The following GFOD1 variants were observed in gnomAD, a reference collection of about 807,000 sequenced individuals.
GFOD1 encodes the protein Gfo/Idh/MocA-like oxidoreductase domain containing 1.
A neutral mutation model predicts 25.4 loss-of-function variants in GFOD1; 9 were observed. The observed-to-expected ratio is 0.35, with a 90% CI of 0.21 to 0.62. The LOEUF is 0.62. GFOD1 is among the 20% of genes least tolerant of loss of function. The pLI is 0.72. For missense variants in GFOD1, 403 were observed against 556.9 expected (o/e 0.72, Z 2.78); for synonymous variants, 253 against 245.6 (o/e 1.03, Z -0.28).
chr6:13,478,163 T>G (rs1244944458), intron 1 of GFOD1, among the ~76,000 whole-genome samples: 1 of 151,762 alleles, frequency 6.6e-6, no homozygotes, highest in Non-Finnish European at 1.5e-5. Context: ...TGAGACAGAG[T>G]TTTTTTCATT....
chr6:13,426,681 C>T (rs1277054723), intron 1 of GFOD1, among the ~76,000 whole-genome samples: 3 of 152,138 alleles, frequency 2.0e-5, no homozygotes, highest in Non-Finnish European at 2.9e-5. Flanking sequence ...CCTGAGGATG[C>T]GGAAGCAGAG....
At chr6:13,389,428 C>T (rs527541728) in intron 1 of GFOD1, among the ~76,000 whole-genome samples, 3 of 152,276 alleles carry the variant, frequency 2.0e-5, no homozygotes, top group Non-Finnish European at 2.9e-5. Flanking sequence ...GAATGCTATG[C>T]AGCCATAAAA....
chr6:13,428,942 C>T (rs1757696906), intron 1 of GFOD1, among the ~76,000 whole-genome samples: 1 of 152,236 alleles, frequency 6.6e-6, no homozygotes. Context: ...GTTGGACATA[C>T]ATCTTCTCGA....
intron 1 of GFOD1, among the ~76,000 whole-genome samples, chr6:13,446,361 A>T (rs1256295898): frequency 6.6e-6 from 1 of 152,194 alleles, no homozygotes; most frequent in Non-Finnish European, 1.5e-5. Context: ...AAGCATCAAG[A>T]CAGAGAACTG....
At chr6:13,453,750 G>A (rs920353645) in intron 1 of GFOD1, among the ~76,000 whole-genome samples, 5 of 152,166 alleles carry the variant, frequency 3.3e-5, no homozygotes, top group African/African-American at 1.2e-4. Flanking sequence ...TTTAAAATTT[G>A]TTCATTTTAC....
chr6:13,409,088 G>GAAAAGAAAGAAAGAAAGAAAGAAAGAAA (rs1554201853), intron 1 of GFOD1, among the ~76,000 whole-genome samples: 1 of 36,672 alleles, frequency 2.7e-5, no homozygotes, highest in African/African-American at 9.9e-5. Context: ...CCATCAGAAA[G>GAAAAGAAAGAAAGAAAGAAAGAAAGAAA]GAAAGAAAGA....
intron 1 of GFOD1, among the ~76,000 whole-genome samples, chr6:13,481,017 T>C (rs1758739152): frequency 1.3e-5 from 2 of 152,180 alleles, no homozygotes; most frequent in Non-Finnish European, 2.9e-5. Context: ...TCTGGCACTG[T>C]CTAAGGGAGA....
intron 1 of GFOD1, among the ~76,000 whole-genome samples, chr6:13,460,400 C>A (rs1183172838): frequency 6.6e-6 from 1 of 152,080 alleles, no homozygotes; most frequent in Non-Finnish European, 1.5e-5. Flanking sequence ...AGCAAAGACA[C>A]GGAATCAACC....
Position 13,365,302 on chromosome 6 carries a change from T to C in GFOD1, c.614A>G (p.Gln205Arg). The C allele has an allele frequency of 1.2e-6, 2 of 1,614,212 alleles. No homozygotes were observed. The highest frequency in any genetic ancestry group is 1.7e-6 in the Non-Finnish European group (2 of 1,180,032). The change falls in exon 2 of 2, where the codon CAG becomes CGG. Residue 205 changes from glutamine (Q) to arginine (R), a missense_variant. Gln to Arg is a conservative substitution (Grantham distance 43). Coordinates refer to ENST00000379287, the MANE Select transcript of GFOD1 (RefSeq NM_018988.4). The surrounding 1 kb of genome is among the most constrained non-coding windows in gnomAD (Gnocchi z 9.2). ...TCGGATGCCCTTGATGTGGTCAGTCTGCTTCACGAAGGTCTTGAGCAGCCC... is the reference window on the plus strand; with the variant it reads ...TCGGATGCCCTTGATGTGGTCAGTCCGCTTCACGAAGGTCTTGAGCAGCCC... ...VHGLLKTFVK[Q>R]TDHIKGIRQI...
intron 1 of GFOD1, among the ~76,000 whole-genome samples, chr6:13,483,462 C>A (rs1354018671): frequency 6.6e-6 from 1 of 152,176 alleles, no homozygotes. Context: ...CGCCAATCAG[C>A]TGGGGCTTTT....
chr6:13,408,002 G>C, intron 1 of GFOD1: 2 of 985,052 alleles, frequency 2.0e-6, no homozygotes, highest in South Asian at 9.4e-5. Flanking sequence ...GGGAGCACTT[G>C]GCTTTGCTCC....
chr6:13,386,545 C>T (rs1017382192), intron 1 of GFOD1, among the ~76,000 whole-genome samples: 1 of 152,208 alleles, frequency 6.6e-6, no homozygotes, highest in Non-Finnish European at 1.5e-5. Context: ...TCTTCCCAGC[C>T]ATCATTGGCT....
chr6:13,481,080 A>G (rs1240825461), intron 1 of GFOD1, among the ~76,000 whole-genome samples: 1 of 152,216 alleles, frequency 6.6e-6, no homozygotes, highest in Non-Finnish European at 1.5e-5. Context: ...GAAATAACTC[A>G]CATTCTAGCT....
chr6:13,435,121 G>A lies in GFOD1; in HGVS notation c.253+51517C>T, dbSNP rs116807366. ...GGGGGTTTGGGGACTGCAGCCTTGA[G>A]CTACAACTGCCGTCTCTATTTACCT... On this transcript the variant is annotated intron_variant, in intron 1 of 1. Transcript: ENST00000379287. Among the ~76,000 whole-genome samples the A allele has an allele frequency of 5.3e-3, 811 of 152,300 alleles. 4 individuals carry two copies. Among genetic ancestry groups the A allele is most frequent in the Non-Finnish European group, 7.4e-3 (502 of 68,022 alleles).
intron 1 of GFOD1, among the ~76,000 whole-genome samples, chr6:13,414,600 A>C (rs1263718339): frequency 6.6e-6 from 1 of 152,198 alleles, no homozygotes; most frequent in Non-Finnish European, 1.5e-5. Context: ...CTGTGCCTCC[A>C]TAGCCCCATC....
Position 13,366,634 on chromosome 6 carries a change from A to AT in GFOD1, c.254-973dup, listed in dbSNP as rs905039990. ...CAGGCGTGAGCCACTGCGCCCAGCC[A>AT]TTTTTTTTTTTTAAAAGAGATGGGG... On this transcript the variant is annotated intron_variant, in intron 1 of 1. Transcript: ENST00000379287. 1.2e-3 allele frequency among the ~76,000 whole-genome samples: 171 copies of AT among 144,198 alleles called. 1 individual carries two copies. The highest frequency in any genetic ancestry group is 3.5e-3 in the Middle Eastern group (1 of 284). 94.6% of individuals were successfully genotyped at this position (144,198 alleles called of 152,430 possible).
At chr6:13,455,594 G>A (rs940170507) in intron 1 of GFOD1, among the ~76,000 whole-genome samples, 36 of 152,148 alleles carry the variant, frequency 2.4e-4, no homozygotes, top group Non-Finnish European at 4.9e-4. Flanking sequence ...CCCACCAGAC[G>A]CCCTGCTACT....
In GFOD1 at chr6:13,359,121, C is replaced by G. The variant is rs1417848455; in HGVS notation, c.*5622G>C. The G allele has an allele frequency of 6.6e-6, 1 of 152,304 alleles. No individual in the cohort carries two copies. The highest frequency in any genetic ancestry group is 2.4e-5 in the African/African-American group (1 of 41,446). 9.4% of individuals were successfully genotyped at this position (152,304 alleles called of 1,614,324 possible). A position where few individuals can be genotyped will look rare whatever the true frequency, so the allele number is the denominator to read the frequency against. Reference sequence around the variant, plus strand: ...CTCTTCCTATGAGAAGTCCCAGAAGCCCCAGTCAGTCTGGGTGGGGGGTCC... The same window carrying G: ...CTCTTCCTATGAGAAGTCCCAGAAGGCCCAGTCAGTCTGGGTGGGGGGTCC... On this transcript the variant is annotated 3_prime_UTR_variant, in exon 2 of 2. Transcript: ENST00000379287.
intron 1 of GFOD1, among the ~76,000 whole-genome samples, chr6:13,452,012 G>A (rs1758107047): frequency 1.3e-5 from 2 of 152,168 alleles, no homozygotes; most frequent in Admixed American, 1.3e-4. Flanking sequence ...GGTAGTAGCT[G>A]TTTTCTATCA....
Sources: allele counts gnomAD v4.1 joint callset (sites outside exome capture counted in the v4.1 genomes callset), GRCh38; gene constraint gnomAD v4.1.1; non-coding constraint Gnocchi (gnomAD v3.1); transcripts MANE v1.5; gene names NCBI Gene and HGNC (gene_info 2026-07-23, HGNC 2026-07-21).